Variants in SOAT1 observed in about 807,000 individuals in gnomAD.
SOAT1 encodes sterol O-acyltransferase 1.
Under a neutral mutation model 69.5 loss-of-function variants are expected in SOAT1, and 55 were observed. The ratio of observed to expected loss-of-function variants is 0.79; its 90% CI spans 0.64 to 0.99. SOAT1 has a LOEUF of 0.99. Ranked by LOEUF, SOAT1 falls within the 50% of genes least tolerant of loss-of-function variation. The pLI, the probability that SOAT1 is intolerant of heterozygous loss-of-function variation, is 0.00. For missense variants in SOAT1, 580 were observed against 669.3 expected (o/e 0.87, Z 1.47); for synonymous variants, 231 against 224.7 (o/e 1.03, Z -0.25).
intron 3 of SOAT1, among the ~76,000 whole-genome samples, chr1:179,326,640 C>T (rs973989383): frequency 6.8e-6 from 1 of 147,834 alleles, no homozygotes; most frequent in African/African-American, 2.5e-5. Context: ...TCACTGCAAC[C>T]TCTGCCTCCC....
intron 9 of SOAT1, 54 bp downstream of exon 9, chr1:179,342,997 GAGGTGGGAT>G: frequency 7.1e-7 from 1 of 1,398,814 alleles, no homozygotes; most frequent in Non-Finnish European, 1.0e-6. Flanking sequence ...TGGCATGAGT[GAGGTGGGAT>G]AGGTAAACAG....
At chr1:179,304,229 C>T (rs535108111) in intron 2 of SOAT1, among the ~76,000 whole-genome samples, 3 of 151,112 alleles carry the variant, frequency 2.0e-5, no homozygotes, top group East Asian at 3.9e-4. Flanking sequence ...TCTGGGATTA[C>T]GGGCGTGAGC....
At chr1:179,334,367 T>TC (rs1226560447) in intron 3 of SOAT1, among the ~76,000 whole-genome samples, 1 of 152,202 alleles carries the variant, frequency 6.6e-6, no homozygotes, top group African/African-American at 2.4e-5. Context: ...CTAACTGTCA[T>TC]TTATAGGAAA....
In SOAT1 at chr1:179,347,769, T is replaced by C. The variant is rs77273663; in HGVS notation, c.1215+72T>C. ...CTTCATTATTAGTATTTTGACATTG[T>C]TGGCTAATGTCACCAGCCTTTCACA... On this transcript the variant is annotated intron_variant, in intron 12 of 15. Coordinates refer to ENST00000367619, the MANE Select transcript of SOAT1 (RefSeq NM_003101.6). 3,699 of 865,566 alleles carry C rather than the reference T, an allele frequency of 4.3e-3. 98 individuals are homozygous for C. The African/African-American group carries it at 0.056, about 13-fold the overall frequency. The allele number at this position is 865,566 out of a possible 1,614,324, so 53.6% of individuals were successfully genotyped here. A position where few individuals can be genotyped will look rare whatever the true frequency, so the allele number is the denominator to read the frequency against.
intron 14 of SOAT1, among the ~76,000 whole-genome samples, chr1:179,351,048 T>TCA (rs1666711009): frequency 1.7e-5 from 1 of 60,280 alleles, no homozygotes; most frequent in East Asian, 7.6e-4. Flanking sequence ...TTTTTTTTTT[T>TCA]TTTTTTTTTT....
chr1:179,347,768 G>A (rs1342072171), intron 12 of SOAT1, 71 bp downstream of exon 12: 1 of 857,126 alleles, frequency 1.2e-6, no homozygotes, highest in Non-Finnish European at 1.9e-6. Context: ...TTTTGACATT[G>A]TTGGCTAATG....
At chr1:179,300,418 G>T (rs1261834320) in intron 1 of SOAT1, among the ~76,000 whole-genome samples, 16 of 152,088 alleles carry the variant, frequency 1.1e-4, no homozygotes, top group Admixed American at 1.0e-3. Context: ...TGATTTATTA[G>T]CCCTGACTTT....
Position 179,353,633 on chromosome 1 carries a change from G to A in SOAT1, c.1645G>A (p.Val549Met), listed in dbSNP as rs771185453. The A allele has an allele frequency of 1.2e-6, 2 of 1,613,442 alleles. No homozygotes were observed. The highest frequency in any genetic ancestry group is 1.7e-6 in the Non-Finnish European group (2 of 1,179,580). ...GCCACGTTCCTGGACTTGTCGTTAC[G>A]TGTTTTAGAAGCTTGGACTTTGTTT... ...VRPRSWTCRY[V>M]F The change falls in exon 16 of 16, where the codon GTG becomes ATG. Residue 549 changes from valine to methionine, a missense_variant. Coordinates refer to ENST00000367619, the MANE Select transcript of SOAT1 (RefSeq NM_003101.6).
chr1:179,301,760 A>C (rs1407916847), intron 1 of SOAT1, among the ~76,000 whole-genome samples: 5 of 152,296 alleles, frequency 3.3e-5, no homozygotes, highest in Middle Eastern at 6.8e-3. Context: ...ACTTAACAAA[A>C]ACTTGTTTTT....
chr1:179,330,624 A>G (rs1665940146), intron 3 of SOAT1, among the ~76,000 whole-genome samples: 1 of 152,234 alleles, frequency 6.6e-6, no homozygotes, highest in Non-Finnish European at 1.5e-5. Flanking sequence ...CCAGAGTTAG[A>G]TTGGCCTCTG....
intron 3 of SOAT1, among the ~76,000 whole-genome samples, chr1:179,333,514 C>T: frequency 6.6e-6 from 1 of 151,306 alleles, no homozygotes; most frequent in Non-Finnish European, 1.5e-5. Flanking sequence ...CCAGTCTGGC[C>T]AACATAGTGA....
At chr1:179,300,401 C>T (rs533682883) in intron 1 of SOAT1, among the ~76,000 whole-genome samples, 2 of 152,268 alleles carry the variant, frequency 1.3e-5, no homozygotes, top group South Asian at 2.1e-4. Context: ...AGTTGGGCAT[C>T]GTCTTGTGAT....
chr1:179,296,889 TTAAGA>T lies in SOAT1; in HGVS notation c.-9+2958_-9+2962del, dbSNP rs527924947. 3.4e-4 allele frequency among the ~76,000 whole-genome samples: 52 copies of T among 152,382 alleles called. No individual in the cohort carries two copies. In the East Asian group the frequency reaches 8.5e-3, roughly 25 times the overall value. ...AATCATTTCTTTTTGTTTTGCTTTC[TTAAGA>T]TAAGTTAGATGCTTATCACACTGAA... On this transcript the variant is annotated intron_variant, in intron 1 of 15. Coordinates refer to ENST00000367619, the MANE Select transcript of SOAT1 (RefSeq NM_003101.6).
At position 179,323,625 on chromosome 1, in the gene SOAT1, C is replaced by T. The variant is rs368669235; in HGVS notation, c.177+130C>T. ...CATCAGTTGCTGTTATCCTGTGGAA[C>T]AAGAAAATAAGATCTGCTGACTTGT... is the stretch of plus-strand genomic sequence containing the variant. On this transcript the variant is annotated intron_variant, in intron 3 of 15. Transcript: ENST00000367619. 74 of 745,076 alleles carry T rather than the reference C, an allele frequency of 9.9e-5. No homozygotes were observed. In the African/African-American group the frequency reaches 1.2e-3, roughly 12 times the overall value. 46.2% of individuals were successfully genotyped at this position (745,076 alleles called of 1,614,324 possible).
intron 13 of SOAT1, 122 bp downstream of exon 13, chr1:179,349,064 C>A: frequency 1.6e-6 from 1 of 640,314 alleles, no homozygotes; most frequent in South Asian, 1.9e-5. Context: ...GTGATAGTAT[C>A]TTTTCAGTTT....
intron 1 of SOAT1, among the ~76,000 whole-genome samples, chr1:179,297,857 A>G (rs1664704420): frequency 6.6e-6 from 1 of 151,446 alleles, no homozygotes; most frequent in African/African-American, 2.4e-5. Context: ...AAAAATACAA[A>G]ATTAGCTGGG....
intron 2 of SOAT1, among the ~76,000 whole-genome samples, chr1:179,311,890 G>T (rs890152618): frequency 3.3e-5 from 5 of 152,176 alleles, no homozygotes; most frequent in African/African-American, 1.2e-4. Flanking sequence ...TCAGTGGGTT[G>T]AACTTTTTGA....
chr1:179,340,386 A>T (rs1372468141), intron 6 of SOAT1, among the ~76,000 whole-genome samples: 1 of 152,166 alleles, frequency 6.6e-6, no homozygotes, highest in Middle Eastern at 3.4e-3. Flanking sequence ...GGAGGCTGAG[A>T]TAGGAGGATC....
At chr1:179,314,822 A>G (rs1382097648) in intron 2 of SOAT1, among the ~76,000 whole-genome samples, 2 of 152,216 alleles carry the variant, frequency 1.3e-5, no homozygotes, top group Non-Finnish European at 2.9e-5. Context: ...ATGTCAAGGA[A>G]TAAATTTTAA....
Sources: gnomAD v4.1 joint callset for allele counts (sites outside exome capture counted in the v4.1 genomes callset) on GRCh38, gnomAD v4.1.1 for gene constraint, MANE v1.5 for transcripts, NCBI Gene and HGNC (gene_info 2026-07-23, HGNC 2026-07-21) for gene names.